SLCO6A1: variants seen among roughly 807,000 people sequenced by gnomAD.
SLCO6A1 encodes cancer/testis antigen 48.
Under a neutral mutation model 72.7 loss-of-function variants are expected in SLCO6A1, and 65 were observed. That is an observed-to-expected ratio of 0.89 (90% CI 0.73 to 1.10). The LOEUF (loss-of-function observed/expected upper bound fraction) is 1.10, where lower values mean the gene tolerates loss of function less well. SLCO6A1 is among the 50% of genes least tolerant of loss of function. The pLI, the probability that SLCO6A1 is intolerant of heterozygous loss-of-function variation, is 0.00. For missense variants in SLCO6A1, 874 were observed against 872.6 expected (o/e 1.00, Z -0.02); for synonymous variants, 314 against 298.2 (o/e 1.05, Z -0.55).
At chr5:102,384,393 CTG>C (rs1334919528) in intron 12 of SLCO6A1, among the ~76,000 whole-genome samples, 1 of 151,960 alleles carries the variant, frequency 6.6e-6, no homozygotes, top group Non-Finnish European at 1.5e-5. Context: ...TTTTCTGACT[CTG>C]TTGTTTTCCT....
intron 8 of SLCO6A1, among the ~76,000 whole-genome samples, chr5:102,417,356 G>A (rs1456383949): frequency 2.0e-5 from 3 of 151,048 alleles, no homozygotes; most frequent in African/African-American, 4.9e-5. Flanking sequence ...TACTAATATG[G>A]TTAGGTTTAA....
At position 102,498,891 on chromosome 5, in the gene SLCO6A1, C is replaced by T. The variant is rs757157187; in HGVS notation, c.-47G>A. Reference sequence around the variant, plus strand: ...GGCGACGCGGCCCGAGTGCTCTCGGCTGCCCGTCCTGCCTGGGCCAACCCA... The same window carrying T: ...GGCGACGCGGCCCGAGTGCTCTCGGTTGCCCGTCCTGCCTGGGCCAACCCA... On this transcript the variant is annotated 5_prime_UTR_variant, in exon 1 of 14. Transcript: ENST00000506729. 1.3e-6 allele frequency: 2 copies of T among 1,531,116 alleles called. No homozygotes were observed. The highest frequency in any genetic ancestry group is 1.2e-5 in the South Asian group (1 of 82,932). 94.8% of individuals were successfully genotyped at this position (1,531,116 alleles called of 1,614,324 possible).
chr5:102,411,446 G>A (rs1243194134), intron 9 of SLCO6A1, among the ~76,000 whole-genome samples: 1 of 152,000 alleles, frequency 6.6e-6, no homozygotes, highest in Non-Finnish European at 1.5e-5. Context: ...TGTATGTTTT[G>A]TAGAGACAGG....
intron 4 of SLCO6A1, among the ~76,000 whole-genome samples, chr5:102,463,896 G>GAAAAAA (rs397697671): frequency 1.5e-5 from 2 of 137,084 alleles, no homozygotes; most frequent in African/African-American, 5.6e-5. Flanking sequence ...CAAAAAAGAA[G>GAAAAAA]AAAAAAAAAA....
At chr5:102,423,222 G>C (rs1219058048) in intron 7 of SLCO6A1, among the ~76,000 whole-genome samples, 1 of 152,228 alleles carries the variant, frequency 6.6e-6, no homozygotes, top group East Asian at 1.9e-4. Context: ...CAACTACTGT[G>C]CAAAATATCC....
chr5:102,405,855 G>A (rs80166569), intron 9 of SLCO6A1, among the ~76,000 whole-genome samples: 2,669 of 151,904 alleles, frequency 0.018, 55 homozygotes, highest in African/African-American at 0.048. Context: ...TATATGTATA[G>A]CTATAAGACA....
intron 12 of SLCO6A1, among the ~76,000 whole-genome samples, chr5:102,377,930 G>T (rs1745896502): frequency 6.7e-6 from 1 of 149,774 alleles, no homozygotes; most frequent in African/African-American, 2.5e-5. Flanking sequence ...GAACAAAATA[G>T]TTTGGCAATT....
At chr5:102,449,158 A>G (rs1378755521) in intron 6 of SLCO6A1, among the ~76,000 whole-genome samples, 2 of 151,948 alleles carry the variant, frequency 1.3e-5, no homozygotes, top group African/African-American at 2.4e-5. Context: ...CTTGGTTCTA[A>G]TTTCTTTTCT....
intron 6 of SLCO6A1, among the ~76,000 whole-genome samples, chr5:102,441,203 C>T (rs934504658): frequency 6.6e-6 from 1 of 152,130 alleles, no homozygotes; most frequent in Non-Finnish European, 1.5e-5. Context: ...GTATTTCTTT[C>T]ATTTTTACAT....
chr5:102,491,441 G>A (rs1007553984), intron 1 of SLCO6A1, among the ~76,000 whole-genome samples: 3 of 152,220 alleles, frequency 2.0e-5, no homozygotes, highest in African/African-American at 7.2e-5. Context: ...TGGAGCAGGG[G>A]GCGGCACTCG....
At chr5:102,423,931 C>G (rs1156488864) in intron 7 of SLCO6A1, among the ~76,000 whole-genome samples, 2 of 152,258 alleles carry the variant, frequency 1.3e-5, no homozygotes, top group Non-Finnish European at 2.9e-5. Context: ...GTCTCTCAGA[C>G]CAAAGTGCAA....
Position 102,480,203 on chromosome 5 carries a change from T to C in SLCO6A1, c.590A>G (p.Asn197Ser). The change falls in exon 2 of 14, where the codon AAT becomes AGT. Residue 197 changes from asparagine to serine, a missense_variant. By Grantham distance (46) the Asn-to-Ser change is conservative. Transcript: ENST00000506729. The stretch of plus-strand genomic sequence containing the variant: ...TTCAATTCCTACCTTACTTTGTTTA[T>C]TTTCTTCATTAATGGATGGAAAAGC... ...LCAFPSINEE[N>S]KQSKVGIEDI... 6.2e-7 allele frequency: 1 copy of C among 1,610,224 alleles called. No individual in the cohort carries two copies. Among genetic ancestry groups the C allele is most frequent in the South Asian group, 1.1e-5 (1 of 90,588 alleles).
chr5:102,376,907 G>C (rs2112471391), intron 12 of SLCO6A1, among the ~76,000 whole-genome samples: 1 of 152,256 alleles, frequency 6.6e-6, no homozygotes, highest in East Asian at 1.9e-4. Flanking sequence ...GCTAGCACCT[G>C]TAATTCCAAA....
intron 12 of SLCO6A1, among the ~76,000 whole-genome samples, chr5:102,386,305 G>A (rs1416060980): frequency 4.6e-5 from 7 of 152,128 alleles, no homozygotes; most frequent in Non-Finnish European, 2.9e-5. Flanking sequence ...TGGACCCTGA[G>A]TTTGTGGGGG....
At chr5:102,456,983 G>C (rs1225721962) in intron 6 of SLCO6A1, among the ~76,000 whole-genome samples, 16 of 152,154 alleles carry the variant, frequency 1.1e-4, no homozygotes, top group East Asian at 1.9e-4. Context: ...ACAAACCTGA[G>C]AAAAACAAGC....
At chr5:102,378,126 G>A (rs1300320501) in intron 12 of SLCO6A1, among the ~76,000 whole-genome samples, 1 of 151,374 alleles carries the variant, frequency 6.6e-6, no homozygotes, top group Non-Finnish European at 1.5e-5. Context: ...TCTTGCCCTG[G>A]CTCATAGTGA....
intron 7 of SLCO6A1, among the ~76,000 whole-genome samples, chr5:102,426,208 G>A (rs889592934): frequency 6.6e-6 from 1 of 152,086 alleles, no homozygotes; most frequent in South Asian, 2.1e-4. Context: ...CATAGGCATG[G>A]GCAAAGACTT....
chr5:102,482,492 C>T (rs906169083), intron 1 of SLCO6A1, among the ~76,000 whole-genome samples: 2 of 152,192 alleles, frequency 1.3e-5, no homozygotes, highest in Admixed American at 1.3e-4. Context: ...TCTCAAAGCA[C>T]ATACCCCATC....
chr5:102,497,723 G>A (rs562607764), intron 1 of SLCO6A1, among the ~76,000 whole-genome samples: 1 of 152,308 alleles, frequency 6.6e-6, no homozygotes, highest in South Asian at 2.1e-4. Context: ...ACTTTGGGAA[G>A]GAATTCATTT....
Sources: allele counts gnomAD v4.1 joint callset (sites outside exome capture counted in the v4.1 genomes callset), GRCh38; gene constraint gnomAD v4.1.1; transcripts MANE v1.5; gene names NCBI Gene and HGNC (gene_info 2026-07-23, HGNC 2026-07-21).